The following GTPBP1 variants were observed in gnomAD, a reference collection of about 807,000 sequenced individuals.
The protein encoded by GTPBP1 is GTP binding protein 1.
Under a neutral mutation model 62.0 loss-of-function variants are expected in GTPBP1, and 23 were observed. That is an observed-to-expected ratio of 0.37 (90% CI 0.27 to 0.53). The LOEUF (loss-of-function observed/expected upper bound fraction) is 0.53, where lower values mean the gene tolerates loss of function less well. Among genes scored for constraint, GTPBP1 ranks in the 20% least tolerant of loss-of-function variants. The pLI is 0.89. For synonymous variants in GTPBP1, 344 were observed against 364.4 expected (o/e 0.94, Z 0.64); for missense variants, 640 against 917.3 (o/e 0.70, Z 3.90).
downstream of GTPBP1, chr22:38,734,294 C>G (rs1278598595): frequency 2.1e-6 from 1 of 467,370 alleles, no homozygotes; most frequent in Non-Finnish European, 4.4e-6. Context: ...GCTGGCTGTT[C>G]AAGGGACCTA....
downstream of GTPBP1, chr22:38,737,613 C>T (rs572377548): frequency 4.2e-5 from 13 of 308,516 alleles, no homozygotes; most frequent in South Asian, 3.5e-4. The surrounding 1 kb of genome is among the most constrained non-coding windows in gnomAD (Gnocchi z 4.1). Flanking sequence ...GTCCACCTCC[C>T]ACTATCCCGC....
In GTPBP1 at chr22:38,716,169, TC is replaced by T; in HGVS notation, c.485+84del. The T allele has an allele frequency of 9.0e-7, 1 of 1,116,984 alleles. No homozygotes were observed. The highest frequency in any genetic ancestry group is 1.3e-6 in the Non-Finnish European group (1 of 759,408). The allele number at this position is 1,116,984 out of a possible 1,614,324, so 69.2% of individuals were successfully genotyped here. A position where few individuals can be genotyped will look rare whatever the true frequency, so the allele number is the denominator to read the frequency against. On this transcript the variant is annotated intron_variant, in intron 3 of 11. Coordinates refer to ENST00000216044, the MANE Select transcript of GTPBP1 (RefSeq NM_004286.5). This position sits in a 1 kb window ranked among gnomAD's most constrained non-coding sequence, Gnocchi z 5.2. The stretch of plus-strand genomic sequence containing the variant: ...AGCCTGTGGCACTTGGCGTGTCAGC[TC>T]CATCCTTTCCCCTCCTGAGGCGGGG...
Position 38,730,541 on chromosome 22 carries a change from C to A in GTPBP1, c.1918-71C>A. The A allele has an allele frequency of 9.5e-7, 1 of 1,055,132 alleles. No homozygotes were observed. The highest frequency in any genetic ancestry group is 1.5e-6 in the Non-Finnish European group (1 of 685,372). 65.4% of individuals were successfully genotyped at this position (1,055,132 alleles called of 1,614,324 possible). On this transcript the variant is annotated intron_variant, in intron 11 of 11. Coordinates refer to ENST00000216044, the MANE Select transcript of GTPBP1 (RefSeq NM_004286.5). This position sits in a 1 kb window ranked among gnomAD's most constrained non-coding sequence, Gnocchi z 5.6. ...ATCTTCCGTCCCTGTCTCCCCGCTG[C>A]TCAGCACCTCTGCTCTCTGGCCCTG...
At chr22:38,708,987 TA>T (rs748194386) in intron 2 of GTPBP1, 31 bp downstream of exon 2, 2 of 1,350,810 alleles carry the variant, frequency 1.5e-6, no homozygotes, top group African/African-American at 2.9e-5. Flanking sequence ...ACTTTATTTT[TA>T]AAAATTATTG....
chr22:38,716,821 G>A lies in GTPBP1; in HGVS notation c.655G>A (p.Asp219Asn). 1 of 1,614,212 alleles carries A rather than the reference G, an allele frequency of 6.2e-7. No homozygotes were observed. Among genetic ancestry groups the A allele is most frequent in the Non-Finnish European group, 8.5e-7 (1 of 1,180,024 alleles). Residue 219 changes from aspartate (D) to asparagine (N), a missense_variant, in exon 4 of 12, where the codon GAC becomes AAC. Physicochemically the swap from Asp to Asn is conservative, Grantham distance 23. This residue lies in a region of GTPBP1 where 88 missense variants were observed against 217.0 expected (regional missense o/e 0.41). Transcript: ENST00000216044. The surrounding 1 kb of genome is among the most constrained non-coding windows in gnomAD (Gnocchi z 5.2). Reference protein sequence around the residue: ...SSVGNDILGFDSEGNVVNKPD... With the variant: ...SSVGNDILGFNSEGNVVNKPD... ...TGTGGGCAACGACATTCTGGGCTTT[G>A]ACAGTGAAGGCAATGTAGTGAACAA...
At chr22:38,719,163 A>C (rs1019220684) in intron 4 of GTPBP1, among the ~76,000 whole-genome samples, 1 of 151,892 alleles carries the variant, frequency 6.6e-6, no homozygotes, top group Admixed American at 6.6e-5. Flanking sequence ...GTGCCACCAC[A>C]CCCAGCTAAT....
At chr22:38,734,502 A>T, downstream of GTPBP1, 2 of 324,606 alleles carry the variant, frequency 6.2e-6, no homozygotes, top group South Asian at 4.5e-5. Flanking sequence ...CAGCTAATAA[A>T]GCCACCTCAC....
Position 38,705,994 on chromosome 22 carries a change from G to T in GTPBP1, c.39G>T (p.Pro13=). 1 of 1,456,086 alleles carries T rather than the reference G, an allele frequency of 6.9e-7. No individual in the cohort carries two copies. Among genetic ancestry groups the T allele is most frequent in the Non-Finnish European group, 9.1e-7 (1 of 1,103,224 alleles). The allele number at this position is 1,456,086 out of a possible 1,614,324, so 90.2% of individuals were successfully genotyped here. The change falls in exon 1 of 12, where the codon CCG becomes CCT. Residue 13 remains proline, a synonymous_variant. Transcript: ENST00000216044. ...GCAGTCGCTCCGCGATGGACTCGCCGGTCCCGGCCTCTATGTTCGCCCCCG... is the reference window on the plus strand; with the variant it reads ...GCAGTCGCTCCGCGATGGACTCGCCTGTCCCGGCCTCTATGTTCGCCCCCG... ...TERSRSAMDS[P]VPASMFAPEP...
chr22:38,727,886 C>A lies in GTPBP1; in HGVS notation c.1538-97C>A. 1.2e-6 allele frequency: 1 copy of A among 803,414 alleles called. No individual in the cohort carries two copies. Among genetic ancestry groups the A allele is most frequent in the Non-Finnish European group, 2.1e-6 (1 of 480,344 alleles). 49.8% of individuals were successfully genotyped at this position (803,414 alleles called of 1,614,324 possible). On this transcript the variant is annotated intron_variant, in intron 9 of 11. Transcript: ENST00000216044. The surrounding 1 kb of genome is among the most constrained non-coding windows in gnomAD (Gnocchi z 6.5). Reference sequence around the variant, plus strand: ...CCAGAGATAAGCCCCCACCCTTCCACAGCTTAAGCGTATTTCATGCTTTCA... The same window carrying A: ...CCAGAGATAAGCCCCCACCCTTCCAAAGCTTAAGCGTATTTCATGCTTTCA...
Position 38,710,887 on chromosome 22 carries a change from C to T in GTPBP1, c.304+1931C>T, listed in dbSNP as rs1319582812. 3.3e-5 allele frequency among the ~76,000 whole-genome samples: 5 copies of T among 152,162 alleles called. No homozygotes were observed. The East Asian group carries it at 9.6e-4, about 29-fold the overall frequency. On this transcript the variant is annotated intron_variant, in intron 2 of 11. Coordinates refer to ENST00000216044, the MANE Select transcript of GTPBP1 (RefSeq NM_004286.5). ...ATGCCTTGACAACTCACACCCCACC[C>T]ATGGCAATTAACCCACCCATGGCAA...
Position 38,727,182 on chromosome 22 carries a change from C to T in GTPBP1, c.1402-31C>T. ...GGTGAAACCAGAAGGCATAATTGTC[C>T]CTGAGGGCTGGGGCTCCCTCTTTCT... On this transcript the variant is annotated intron_variant, in intron 8 of 11. Transcript: ENST00000216044. The surrounding 1 kb of genome is among the most constrained non-coding windows in gnomAD (Gnocchi z 6.5). 2 of 1,539,602 alleles carry T rather than the reference C, an allele frequency of 1.3e-6. No homozygotes were observed. The highest frequency in any genetic ancestry group is 1.4e-5 in the African/African-American group (1 of 71,332).
At chr22:38,739,342 C>A, downstream of GTPBP1, 3 of 1,613,008 alleles carry the variant, frequency 1.9e-6, no homozygotes, top group Non-Finnish European at 2.5e-6. The surrounding 1 kb of genome is among the most constrained non-coding windows in gnomAD (Gnocchi z 6.7). Context: ...GAGCACGTAC[C>A]TCCTGACTCC....
rs918710216 is a variant in GTPBP1, at chr22:38,731,792, A to G, written c.*1088A>G. The G allele has an allele frequency of 1.3e-5, 2 of 152,388 alleles. No homozygotes were observed. The highest frequency in any genetic ancestry group is 6.5e-5 in the Admixed American group (1 of 15,282). 9.4% of individuals were successfully genotyped at this position (152,388 alleles called of 1,614,324 possible). A position where few individuals can be genotyped will look rare whatever the true frequency, so the allele number is the denominator to read the frequency against. ...CCACCACGCCACCCCTGTGGCTGCT[A>G]CAGGAGCACAGTAGTGAAGGCCTGA... On this transcript the variant is annotated 3_prime_UTR_variant, in exon 12 of 12. Coordinates refer to ENST00000216044, the MANE Select transcript of GTPBP1 (RefSeq NM_004286.5).
downstream of GTPBP1, chr22:38,737,931 C>A: frequency 1.5e-6 from 1 of 681,098 alleles, no homozygotes; most frequent in Admixed American, 2.0e-5. This position sits in a 1 kb window ranked among gnomAD's most constrained non-coding sequence, Gnocchi z 4.1. Flanking sequence ...TAAAGCCCAC[C>A]TCCTGGTGTC....
chr22:38,738,811 C>G, downstream of GTPBP1: 2 of 1,598,968 alleles, frequency 1.3e-6, no homozygotes, highest in Non-Finnish European at 1.7e-6. The surrounding 1 kb of genome is among the most constrained non-coding windows in gnomAD (Gnocchi z 6.6). Flanking sequence ...CTTGCTGACC[C>G]CAGATGGGAC....
At chr22:38,741,389 G>T, downstream of GTPBP1, 2 of 1,199,478 alleles carry the variant, frequency 1.7e-6, no homozygotes, top group East Asian at 2.4e-5. Context: ...CCCTCCCCAT[G>T]CAACACCCAA....
At chr22:38,735,287 G>A (rs142956669), downstream of GTPBP1, 197 of 454,170 alleles carry the variant, frequency 4.3e-4, 1 homozygote, top group Admixed American at 6.9e-4. Flanking sequence ...CAGCCTGAGC[G>A]GACGACCCCT....
chr22:38,713,975 G>A (rs1381976045), intron 2 of GTPBP1, among the ~76,000 whole-genome samples: 1 of 152,110 alleles, frequency 6.6e-6, no homozygotes, highest in Non-Finnish European at 1.5e-5. Context: ...GGAAAGTTTG[G>A]AGGAAACAGA....
downstream of GTPBP1, chr22:38,740,256 T>C: frequency 6.4e-7 from 1 of 1,556,506 alleles, no homozygotes; most frequent in East Asian, 2.3e-5. The surrounding 1 kb of genome is among the most constrained non-coding windows in gnomAD (Gnocchi z 4.8). Flanking sequence ...GCCCTGGTGG[T>C]TCCCACTCAC....
Sources: allele counts gnomAD v4.1 joint callset (sites outside exome capture counted in the v4.1 genomes callset), GRCh38; gene constraint gnomAD v4.1.1; regional missense constraint gnomAD v4.1.1; non-coding constraint Gnocchi (gnomAD v3.1); transcripts MANE v1.5; gene names NCBI Gene and HGNC (gene_info 2026-07-23, HGNC 2026-07-21).